Variants in DOCK4 observed in about 807,000 individuals in gnomAD.
DOCK4 encodes dedicator of cytokinesis protein 4.
In DOCK4, 97 loss-of-function variants were observed where a neutral mutation model predicts 268.1. That is an observed-to-expected ratio of 0.36 (90% confidence interval 0.31 to 0.43). DOCK4 has a LOEUF of 0.43. DOCK4 is among the 20% of genes least tolerant of loss of function. The pLI is 1.00. For synonymous variants in DOCK4, 954 were observed against 887.2 expected (o/e 1.08, Z -1.34); for missense variants, 2,145 against 2,455.7 (o/e 0.87, Z 2.67).
chr7:112,173,632 C>T (rs544838247), intron 1 of DOCK4, among the ~76,000 whole-genome samples: 1 of 152,152 alleles, frequency 6.6e-6, no homozygotes, highest in East Asian at 1.9e-4. Flanking sequence ...GAATCATCTG[C>T]TCCCAAAGAC....
At chr7:111,760,379 G>A in intron 39 of DOCK4, 57 bp from the exon 40 acceptor site, 3 of 1,555,800 alleles carry the variant, frequency 1.9e-6, no homozygotes, top group Admixed American at 1.7e-5. Flanking sequence ...ATTACAGACA[G>A]AGCCAAAAAA....
chr7:111,776,316 G>A (rs531259602), intron 36 of DOCK4, among the ~76,000 whole-genome samples: 1 of 152,226 alleles, frequency 6.6e-6, no homozygotes, highest in Admixed American at 6.5e-5. Flanking sequence ...TAAATAAAAA[G>A]ATAGACATTC....
At chr7:111,977,098 A>G (rs757727239) in intron 8 of DOCK4, 34 bp downstream of exon 8, 1 of 1,609,522 alleles carries the variant, frequency 6.2e-7, no homozygotes, top group South Asian at 1.1e-5. Flanking sequence ...TTCTAACATT[A>G]AGACATTGAA....
intron 1 of DOCK4, among the ~76,000 whole-genome samples, chr7:112,184,216 C>G (rs1819296476): frequency 6.6e-6 from 1 of 152,198 alleles, no homozygotes; most frequent in Non-Finnish European, 1.5e-5. Context: ...CCAACGTAGA[C>G]CTAGTACCTA....
At chr7:112,116,313 G>A (rs1240523441) in intron 1 of DOCK4, among the ~76,000 whole-genome samples, 2 of 152,084 alleles carry the variant, frequency 1.3e-5, no homozygotes, top group African/African-American at 2.4e-5. Flanking sequence ...TGTTTTCAAC[G>A]TTCATTCAAG....
chr7:111,736,609 G>A (rs1199175798), intron 50 of DOCK4, among the ~76,000 whole-genome samples: 1 of 152,154 alleles, frequency 6.6e-6, no homozygotes, highest in Non-Finnish European at 1.5e-5. Flanking sequence ...TGAACAAGGA[G>A]CCTAATTGGC....
intron 12 of DOCK4, among the ~76,000 whole-genome samples, chr7:111,934,523 G>GTTTTTGTTTTTTTT (rs1562907282): frequency 4.8e-5 from 4 of 83,832 alleles, no homozygotes; most frequent in African/African-American, 1.6e-4. Flanking sequence ...TTTTGTTTTT[G>GTTTTTGTTTTTTTT]TTTTTTTTTT....
chr7:112,142,791 C>T (rs1054673928), intron 1 of DOCK4, among the ~76,000 whole-genome samples: 1 of 152,038 alleles, frequency 6.6e-6, no homozygotes, highest in Non-Finnish European at 1.5e-5. Context: ...TCTAGTATTG[C>T]TTTGCATGCT....
chr7:111,733,077 A>G (rs951684735), intron 51 of DOCK4, among the ~76,000 whole-genome samples: 11 of 152,216 alleles, frequency 7.2e-5, no homozygotes, highest in African/African-American at 2.7e-4. Flanking sequence ...CAACAGGGTG[A>G]GAGTCAGCCA....
chr7:111,790,645 C>A lies in DOCK4; in HGVS notation c.3167-40G>T, dbSNP rs189943083. 133 of 1,514,252 alleles carry A rather than the reference C, an allele frequency of 8.8e-5. No homozygotes were observed. The East Asian group carries it at 2.9e-3, about 33-fold the overall frequency. 93.8% of individuals were successfully genotyped at this position (1,514,252 alleles called of 1,614,324 possible). On this transcript the variant is annotated intron_variant, in intron 30 of 52. Transcript: ENST00000428084. Reference sequence around the variant, plus strand: ...ATATTTGAGTTTCAATATATTCAATCTTAATATGATTTCAGAAATTAATAT... The same window carrying A: ...ATATTTGAGTTTCAATATATTCAATATTAATATGATTTCAGAAATTAATAT...
chr7:111,824,408 G>A lies in DOCK4; in HGVS notation c.2836-1952C>T, dbSNP rs146846988. 3.6e-3 allele frequency among the ~76,000 whole-genome samples: 546 copies of A among 152,212 alleles called. 4 individuals carry two copies. The highest frequency in any genetic ancestry group is 0.012 in the African/African-American group (515 of 41,522). ...TCTTGGTGCATTTGCTTAGATAGAT[G>A]TGAAAGTCATGAGAGTGGGGATTCT... On this transcript the variant is annotated intron_variant, in intron 26 of 52. Coordinates refer to ENST00000428084, the MANE Select transcript of DOCK4 (RefSeq NM_001363540.2).
At chr7:112,020,600 A>G (rs1802228825) in intron 1 of DOCK4, among the ~76,000 whole-genome samples, 2 of 151,504 alleles carry the variant, frequency 1.3e-5, no homozygotes, top group Admixed American at 1.3e-4. Context: ...CTCAAACCTG[A>G]GAGCACCGTA....
intron 10 of DOCK4, 63 bp from the exon 11 acceptor site, chr7:111,940,305 C>T (rs1586441979): frequency 1.6e-5 from 25 of 1,602,528 alleles, no homozygotes; most frequent in East Asian, 2.2e-5. Flanking sequence ...TCTTAGGTAG[C>T]GAAACATACA....
At chr7:111,897,072 T>C (rs903703876) in intron 15 of DOCK4, among the ~76,000 whole-genome samples, 2 of 152,124 alleles carry the variant, frequency 1.3e-5, no homozygotes, top group African/African-American at 4.8e-5. Context: ...CGCATGACCA[T>C]AGCTCTTGTA....
chr7:111,953,604 G>C (rs1223358592), intron 8 of DOCK4: 11 of 152,234 alleles, frequency 7.2e-5, no homozygotes, highest in African/African-American at 2.7e-4. Flanking sequence ...GTGCTGTAAA[G>C]CTCTCTGCCT....
chr7:112,171,398 GT>G (rs2116603833), intron 1 of DOCK4, among the ~76,000 whole-genome samples: 1 of 149,312 alleles, frequency 6.7e-6, no homozygotes, highest in South Asian at 2.2e-4. Context: ...TATAATCCAT[GT>G]AAAAAAACTG....
At chr7:112,203,430 A>G (rs1285418257) in intron 1 of DOCK4, among the ~76,000 whole-genome samples, 1 of 152,226 alleles carries the variant, frequency 6.6e-6, no homozygotes, top group Non-Finnish European at 1.5e-5. Flanking sequence ...ATTTAATTAC[A>G]GATATAAAAT....
intron 36 of DOCK4, among the ~76,000 whole-genome samples, chr7:111,778,002 C>A (rs1252236470): frequency 6.6e-6 from 1 of 152,162 alleles, no homozygotes; most frequent in East Asian, 1.9e-4. Context: ...AAAATCCTAA[C>A]TATAAGCAGA....
chr7:111,862,320 G>A (rs1805603599), intron 23 of DOCK4, among the ~76,000 whole-genome samples: 1 of 151,596 alleles, frequency 6.6e-6, no homozygotes, highest in Non-Finnish European at 1.5e-5. Flanking sequence ...AAGCAAATAA[G>A]TGGTAATGTT....
Sources: allele counts gnomAD v4.1 joint callset (sites outside exome capture counted in the v4.1 genomes callset), GRCh38; gene constraint gnomAD v4.1.1; transcripts MANE v1.5; gene names NCBI Gene and HGNC (gene_info 2026-07-23, HGNC 2026-07-21).